Variants in UST observed in about 807,000 individuals in gnomAD.
UST encodes the protein chondroitin sulfate 2-O-sulfotransferase.
UST carries 21 observed loss-of-function variants against 45.6 expected under a neutral mutation model. The observed-to-expected ratio is 0.46, with a 90% confidence interval of 0.33 to 0.66. UST has a LOEUF of 0.66. Among genes scored for constraint, UST ranks in the 30% least tolerant of loss-of-function variants. The pLI, the probability that UST is intolerant of heterozygous loss-of-function variation, is 0.02. For missense variants in UST, 463 were observed against 512.4 expected (o/e 0.90, Z 0.93); for synonymous variants, 215 against 200.6 (o/e 1.07, Z -0.61).
intron 7 of UST, among the ~76,000 whole-genome samples, chr6:149,025,768 T>C (rs1776040426): frequency 6.6e-6 from 1 of 152,114 alleles, no homozygotes; most frequent in South Asian, 2.1e-4. Context: ...CCTACCATTT[T>C]GGGAAGCCAA....
intron 5 of UST, among the ~76,000 whole-genome samples, chr6:149,007,377 T>C (rs1047474166): frequency 6.6e-6 from 1 of 150,682 alleles, no homozygotes; most frequent in African/African-American, 2.4e-5. Context: ...AAGCTCTGCC[T>C]TCTGGGTTCA....
At chr6:149,019,290 C>A in intron 6 of UST, 54 bp downstream of exon 6, 3 of 1,349,782 alleles carry the variant, frequency 2.2e-6, no homozygotes, top group Non-Finnish European at 3.2e-6. Flanking sequence ...AGGGCAAGAA[C>A]CCCACCAGCC....
chr6:149,029,430 C>T lies in UST; in HGVS notation c.937+7949C>T, dbSNP rs576688899. 3.1e-4 allele frequency among the ~76,000 whole-genome samples: 21 copies of T among 67,702 alleles called. 1 individual carries two copies. The South Asian group carries it at 6.2e-3, about 20-fold the overall frequency. The allele number at this position is 67,702 out of a possible 152,430, so 44.4% of individuals were successfully genotyped here. ...TAAAATATATACATTATATTGTATACATTATATTATATTATATTATATATA... is the reference window on the plus strand; with the variant it reads ...TAAAATATATACATTATATTGTATATATTATATTATATTATATTATATATA... On this transcript the variant is annotated intron_variant, in intron 7 of 7. Coordinates refer to ENST00000367463, the MANE Select transcript of UST (RefSeq NM_005715.3).
chr6:149,005,691 C>T (rs910942832), intron 5 of UST: 27 of 846,254 alleles, frequency 3.2e-5, no homozygotes, highest in Non-Finnish European at 3.6e-5. Context: ...TTCTTGGAAG[C>T]ACATTGAGCT....
chr6:148,775,200 A>G lies in UST; in HGVS notation c.247+27523A>G, dbSNP rs878957175. ...AGGTAACTAGTATTCTTGGTCTTGT[A>G]TTTATTGTTCTCTGCCAAGTTTTGC... On this transcript the variant is annotated intron_variant, in intron 1 of 7. Coordinates refer to ENST00000367463, the MANE Select transcript of UST (RefSeq NM_005715.3). 2.6e-5 allele frequency among the ~76,000 whole-genome samples: 4 copies of G among 152,104 alleles called. 1 individual carries two copies. The South Asian group carries it at 8.3e-4, about 32-fold the overall frequency.
intron 1 of UST, among the ~76,000 whole-genome samples, chr6:148,874,000 T>C (rs997121205): frequency 1.3e-5 from 2 of 152,246 alleles, no homozygotes; most frequent in Admixed American, 6.5e-5. Context: ...TAGGTCCTGA[T>C]AGAAGAGGCC....
intron 7 of UST, among the ~76,000 whole-genome samples, chr6:149,029,106 C>T (rs1776096558): frequency 6.6e-6 from 1 of 151,940 alleles, no homozygotes; most frequent in South Asian, 2.1e-4. Context: ...AACGCTTGAA[C>T]ACAGATGTAC....
At chr6:148,967,319 C>G (rs534004390) in intron 5 of UST, among the ~76,000 whole-genome samples, 1 of 151,526 alleles carries the variant, frequency 6.6e-6, no homozygotes, top group South Asian at 2.1e-4. Context: ...ACAGCAGAAA[C>G]TCGGGGGGGC....
intron 7 of UST, among the ~76,000 whole-genome samples, chr6:149,023,178 G>A (rs1776005359): frequency 6.6e-6 from 1 of 151,264 alleles, no homozygotes; most frequent in Admixed American, 6.6e-5. Context: ...GTGTGTGTGT[G>A]TCTAATACAC....
chr6:148,763,615 A>T (rs563399676), intron 1 of UST, among the ~76,000 whole-genome samples: 5 of 152,176 alleles, frequency 3.3e-5, no homozygotes, highest in Admixed American at 2.0e-4. Flanking sequence ...TTCTTCTAGG[A>T]TTCTTATAGT....
At position 148,827,125 on chromosome 6, in the gene UST, A is replaced by G. The variant is rs80114732; in HGVS notation, c.248-59861A>G. ...AAATGCAGAAGATGCTTGTTGTTCTATAGTGCATGTGGTTTATGTATGACA... is the reference window on the plus strand; with the variant it reads ...AAATGCAGAAGATGCTTGTTGTTCTGTAGTGCATGTGGTTTATGTATGACA... On this transcript the variant is annotated intron_variant, in intron 1 of 7. Transcript: ENST00000367463. Among the ~76,000 whole-genome samples, 407 of 152,296 alleles carry G rather than the reference A, an allele frequency of 2.7e-3. 3 individuals are homozygous for G. Among genetic ancestry groups the G allele is most frequent in the African/African-American group, 9.5e-3 (396 of 41,556 alleles).
chr6:148,936,573 C>CA (rs1491517169), intron 2 of UST, among the ~76,000 whole-genome samples: 2 of 85,336 alleles, frequency 2.3e-5, no homozygotes, highest in Non-Finnish European at 4.4e-5. Flanking sequence ...AAAATCAGTC[C>CA]TTTTTTTTTT....
intron 3 of UST, among the ~76,000 whole-genome samples, chr6:148,945,768 A>G (rs916208778): frequency 1.3e-5 from 2 of 152,104 alleles, no homozygotes; most frequent in African/African-American, 4.8e-5. Context: ...TGTTCAGGGG[A>G]GTCTTAATGA....
chr6:149,007,583 T>C (rs1775738722), intron 5 of UST, among the ~76,000 whole-genome samples: 1 of 140,356 alleles, frequency 7.1e-6, no homozygotes, highest in Non-Finnish European at 1.6e-5. Flanking sequence ...CCACCGCGCC[T>C]GGCCTTTTTT....
At chr6:148,766,379 C>A (rs1328500696) in intron 1 of UST, among the ~76,000 whole-genome samples, 3 of 152,154 alleles carry the variant, frequency 2.0e-5, no homozygotes, top group Non-Finnish European at 1.5e-5. Context: ...CACCCACTTG[C>A]TCTCACCCAC....
intron 2 of UST, among the ~76,000 whole-genome samples, chr6:148,930,332 G>T (rs1460472785): frequency 2.0e-5 from 3 of 152,150 alleles, no homozygotes; most frequent in Admixed American, 6.5e-5. Flanking sequence ...TATGTGCCAG[G>T]CATTGAGCTG....
chr6:148,930,681 GT>G (rs1198548733), intron 2 of UST, among the ~76,000 whole-genome samples: 1 of 152,172 alleles, frequency 6.6e-6, no homozygotes, highest in Admixed American at 6.5e-5. Context: ...GCCAAAGCAA[GT>G]CATGTGGCCA....
intron 1 of UST, among the ~76,000 whole-genome samples, chr6:148,852,630 C>T (rs1778128674): frequency 6.6e-6 from 1 of 152,192 alleles, no homozygotes; most frequent in Non-Finnish European, 1.5e-5. Flanking sequence ...TAGGAGCTGC[C>T]TAGTGAACTG....
At chr6:148,851,325 T>A (rs1219505105) in intron 1 of UST, among the ~76,000 whole-genome samples, 1 of 152,154 alleles carries the variant, frequency 6.6e-6, no homozygotes, top group Non-Finnish European at 1.5e-5. Flanking sequence ...TTTTTACTGA[T>A]GATAAAATGA....
Sources: allele counts gnomAD v4.1 joint callset (sites outside exome capture counted in the v4.1 genomes callset), GRCh38; gene constraint gnomAD v4.1.1; transcripts MANE v1.5; gene names NCBI Gene and HGNC (gene_info 2026-07-23, HGNC 2026-07-21).